ELOVL7: variants seen among roughly 807,000 people sequenced by gnomAD.
ELOVL7 encodes ELOVL fatty acid elongase 7.
Under a neutral mutation model 35.7 loss-of-function variants are expected in ELOVL7, and 27 were observed. That is an observed-to-expected ratio of 0.76 (90% CI 0.56 to 1.04). The LOEUF (loss-of-function observed/expected upper bound fraction) is 1.04. Ranked by LOEUF, ELOVL7 falls within the 50% of genes least tolerant of loss-of-function variation. The pLI is 0.00. For missense variants in ELOVL7, 327 were observed against 340.8 expected (o/e 0.96, Z 0.32); for synonymous variants, 113 against 114.6 (o/e 0.99, Z 0.09).
intron 1 of ELOVL7, among the ~76,000 whole-genome samples, chr5:60,833,532 C>T (rs1053863714): frequency 1.3e-5 from 2 of 151,992 alleles, no homozygotes; most frequent in African/African-American, 4.8e-5. Flanking sequence ...ACTTCTGGTA[C>T]TATCTAGGAT....
intron 2 of ELOVL7, among the ~76,000 whole-genome samples, chr5:60,796,743 G>A (rs1744289072): frequency 6.6e-6 from 1 of 152,126 alleles, no homozygotes; most frequent in African/African-American, 2.4e-5. Flanking sequence ...TTTTAAAGGA[G>A]GAAAAATCTT....
rs925008846 is a variant in ELOVL7, at chr5:60,771,925, A to G, written c.233T>C (p.Phe78Ser). 6.2e-6 allele frequency: 10 copies of G among 1,612,662 alleles called. No individual in the cohort carries two copies. Among genetic ancestry groups the G allele is most frequent in the Non-Finnish European group, 7.6e-6 (9 of 1,179,358 alleles). Residue 78 changes from phenylalanine to serine, a missense_variant, in exon 4 of 9, where the codon TTT (phenylalanine) becomes TCT (serine). By Grantham distance (155) the Phe-to-Ser change is radical. Transcript: ENST00000508821. ...MITYNFFIVL[F>S]SVYMCYEFVM... ...TGCCTCATAACACATATACACAGAA[A>G]AGAGTACTATGAAAAAATTGTACGT...
At chr5:60,815,029 T>C (rs1300038266) in intron 1 of ELOVL7, among the ~76,000 whole-genome samples, 1 of 152,230 alleles carries the variant, frequency 6.6e-6, no homozygotes, top group Non-Finnish European at 1.5e-5. Flanking sequence ...TATGAGCTGA[T>C]AGTCTTAAAT....
chr5:60,768,574 T>C (rs1742384842), intron 4 of ELOVL7: 1 of 409,382 alleles, frequency 2.4e-6, no homozygotes, highest in African/African-American at 2.1e-5. Context: ...GATCCAAGGC[T>C]GATGTGACAA....
chr5:60,824,856 C>G (rs1746079504), intron 1 of ELOVL7, among the ~76,000 whole-genome samples: 1 of 152,164 alleles, frequency 6.6e-6, no homozygotes, highest in Non-Finnish European at 1.5e-5. Context: ...ATTTTCCCAC[C>G]TCACTCACAA....
At chr5:60,764,974 G>A (rs1035770019) in intron 6 of ELOVL7, among the ~76,000 whole-genome samples, 2 of 152,180 alleles carry the variant, frequency 1.3e-5, no homozygotes, top group African/African-American at 4.8e-5. Flanking sequence ...ATTTGGGAGA[G>A]GGGGAAATTT....
At position 60,754,616 on chromosome 5, in the gene ELOVL7, G is replaced by T; in HGVS notation, c.*8C>A. ...GTATCAGTTTCGATCATAGACTTAT[G>T]TTGGGCTTCAATTATCTTTGTTTTT... is the stretch of plus-strand genomic sequence containing the variant. On this transcript the variant is annotated 3_prime_UTR_variant, in exon 9 of 9. Coordinates refer to ENST00000508821, the MANE Select transcript of ELOVL7 (RefSeq NM_024930.3). 1 of 1,611,838 alleles carries T rather than the reference G, an allele frequency of 6.2e-7. No individual in the cohort carries two copies.
chr5:60,788,690 GCT>G (rs1743745120), intron 2 of ELOVL7, among the ~76,000 whole-genome samples: 1 of 151,932 alleles, frequency 6.6e-6, no homozygotes, highest in Non-Finnish European at 1.5e-5. Flanking sequence ...CAGGAAAATT[GCT>G]CGAACCCAGG....
chr5:60,838,507 C>T (rs1423751072), intron 1 of ELOVL7, among the ~76,000 whole-genome samples: 1 of 152,212 alleles, frequency 6.6e-6, no homozygotes, highest in African/African-American at 2.4e-5. Flanking sequence ...CTTTGCCTGA[C>T]ACAAAGCTAA....
chr5:60,769,692 G>A (rs16878397), intron 4 of ELOVL7, among the ~76,000 whole-genome samples: 19,999 of 152,178 alleles, frequency 0.13, 1,615 homozygotes, highest in South Asian at 0.21. Context: ...AGAGTAGAAA[G>A]TTTAAGAACA....
intron 3 of ELOVL7, among the ~76,000 whole-genome samples, chr5:60,776,952 A>G (rs7726875): frequency 0.21 from 31,874 of 152,096 alleles, 3,916 homozygotes; most frequent in Non-Finnish European, 0.28. Context: ...AAAATATAAA[A>G]ATTTATAATT....
chr5:60,842,590 G>T (rs1747241876), intron 1 of ELOVL7, among the ~76,000 whole-genome samples: 1 of 151,678 alleles, frequency 6.6e-6, no homozygotes, highest in African/African-American at 2.4e-5. Context: ...GAGATTGACA[G>T]CCTGGTCAAC....
At chr5:60,841,080 C>T (rs749774356) in intron 1 of ELOVL7, among the ~76,000 whole-genome samples, 1 of 142,796 alleles carries the variant, frequency 7.0e-6, no homozygotes, top group Non-Finnish European at 1.5e-5. Context: ...GGCTGGAGTG[C>T]AGTGGCATGA....
intron 8 of ELOVL7, among the ~76,000 whole-genome samples, chr5:60,755,491 T>C (rs536040161): frequency 2.5e-4 from 38 of 152,248 alleles, no homozygotes; most frequent in Non-Finnish European, 5.6e-4. Flanking sequence ...ACCCCATCTC[T>C]ACTAAAAATA....
In ELOVL7 at chr5:60,754,632, C is replaced by G; in HGVS notation, c.838G>C (p.Asp280His). The G allele has an allele frequency of 6.2e-7, 1 of 1,613,678 alleles. No individual in the cohort carries two copies. Among genetic ancestry groups the G allele is most frequent in the East Asian group, 2.2e-5 (1 of 44,874 alleles). ...TAGACTTATGTTGGGCTTCAATTAT[C>G]TTTGTTTTTGCAAGTTCCATTTTTC... ...TVKNGTCKNKDN is the reference protein window; with the variant it reads ...TVKNGTCKNKHN The change falls in exon 9 of 9, where the codon GAT becomes CAT. Residue 280 changes from aspartate (D) to histidine (H), a missense_variant. Physicochemically the swap from Asp to His is moderately conservative, Grantham distance 81 (BLOSUM62 -1). Coordinates refer to ENST00000508821, the MANE Select transcript of ELOVL7 (RefSeq NM_024930.3).
chr5:60,763,307 T>C (rs1584157448), intron 7 of ELOVL7, among the ~76,000 whole-genome samples: 1 of 152,306 alleles, frequency 6.6e-6, no homozygotes, highest in South Asian at 2.1e-4. Context: ...CTTATCCATG[T>C]CCTCCCATGC....
chr5:60,774,622 C>G, intron 3 of ELOVL7, among the ~76,000 whole-genome samples: 1 of 151,984 alleles, frequency 6.6e-6, no homozygotes, highest in East Asian at 1.9e-4. Context: ...CAACATAGTA[C>G]TAGAAGTCCT....
intron 1 of ELOVL7, among the ~76,000 whole-genome samples, chr5:60,801,661 T>C (rs528404933): frequency 2.8e-4 from 42 of 151,522 alleles, no homozygotes; most frequent in Non-Finnish European, 4.9e-4. Flanking sequence ...CATGATCGTG[T>C]CACTGCACTC....
rs941588401 is a variant in ELOVL7, at chr5:60,752,436, T to A, written c.*2188A>T. On this transcript the variant is annotated 3_prime_UTR_variant, in exon 9 of 9. Transcript: ENST00000508821. ...GAAATAAACTCTCCTGTTTCATCTC[T>A]TTTATTTTTGCCTCATTTTGGTCTC... is the stretch of plus-strand genomic sequence containing the variant. The A allele has an allele frequency of 6.6e-6, 1 of 152,660 alleles. No individual in the cohort carries two copies. The highest frequency in any genetic ancestry group is 1.5e-5 in the Non-Finnish European group (1 of 68,042). The allele number at this position is 152,660 out of a possible 1,614,324, so 9.5% of individuals were successfully genotyped here. A position where few individuals can be genotyped will look rare whatever the true frequency, so the allele number is the denominator to read the frequency against.
Sources: gnomAD v4.1 joint callset for allele counts (sites outside exome capture counted in the v4.1 genomes callset) on GRCh38, gnomAD v4.1.1 for gene constraint, MANE v1.5 for transcripts, NCBI Gene and HGNC (gene_info 2026-07-23, HGNC 2026-07-21) for gene names.